Variants in TRPC7 observed in about 807,000 individuals in gnomAD.
The protein encoded by TRPC7 is short transient receptor potential channel 7.
A neutral mutation model predicts 90.1 loss-of-function variants in TRPC7; 42 were observed. The observed-to-expected ratio is 0.47, with a 90% CI of 0.36 to 0.60. TRPC7 has a LOEUF of 0.60. TRPC7 is among the 20% of genes least tolerant of loss of function. The probability of loss-of-function intolerance (pLI) is 0.00; values close to 1 mark genes in which losing one functional copy is unlikely to be tolerated. For missense variants in TRPC7, 955 were observed against 1,112.3 expected (o/e 0.86, Z 2.01); for synonymous variants, 451 against 436.3 (o/e 1.03, Z -0.42).
At chr5:136,267,106 G>T (rs1757058868) in intron 4 of TRPC7, among the ~76,000 whole-genome samples, 1 of 152,058 alleles carries the variant, frequency 6.6e-6, no homozygotes, top group East Asian at 1.9e-4. Flanking sequence ...CTCTATGATG[G>T]TATTCTAAAA....
intron 11 of TRPC7, 74 bp from the exon 12 acceptor site, chr5:136,213,678 A>T (rs1295766152): frequency 3.3e-6 from 5 of 1,514,696 alleles, no homozygotes; most frequent in Non-Finnish European, 4.5e-6. Flanking sequence ...ACATGTGGGC[A>T]TGTGCATCCT....
rs544022508 is a variant in TRPC7 at position 136,259,439 on chromosome 5, C to A, written c.1345+6781G>T. On this transcript the variant is annotated intron_variant, in intron 5 of 11. Coordinates refer to ENST00000513104, the MANE Select transcript of TRPC7 (RefSeq NM_020389.3). ...GCCACCAAAGAGAAAGGGACACACT[C>A]CCAAGCTCTTCTCCTATTTAGCATT... Among the ~76,000 whole-genome samples, 7 of 152,318 alleles carry A rather than the reference C, an allele frequency of 4.6e-5. No homozygotes were observed. The East Asian group carries it at 1.4e-3, about 29-fold the overall frequency.
chr5:136,352,071 T>C (rs1469067), intron 2 of TRPC7, among the ~76,000 whole-genome samples: 51,461 of 152,080 alleles, frequency 0.34, 9,215 homozygotes, highest in Admixed American at 0.45. Context: ...TGTAGCTTTG[T>C]TATTCTTTAG....
At chr5:136,236,354 C>T (rs1484701438) in intron 7 of TRPC7, among the ~76,000 whole-genome samples, 1 of 152,196 alleles carries the variant, frequency 6.6e-6, no homozygotes, top group Non-Finnish European at 1.5e-5. Flanking sequence ...TGCTTGTTTT[C>T]TGAACAAGAC....
chr5:136,323,128 A>C (rs1439607784), intron 2 of TRPC7, among the ~76,000 whole-genome samples: 1 of 152,196 alleles, frequency 6.6e-6, no homozygotes, highest in African/African-American at 2.4e-5. Context: ...GTAGTGGATA[A>C]GTCTTACAAG....
chr5:136,284,237 AC>A (rs1422214010), intron 3 of TRPC7, among the ~76,000 whole-genome samples: 1 of 152,216 alleles, frequency 6.6e-6, no homozygotes, highest in Non-Finnish European at 1.5e-5. Context: ...TACCCTGGGC[AC>A]TTGTGTTTGT....
intron 5 of TRPC7, among the ~76,000 whole-genome samples, chr5:136,254,017 A>G (rs1002351794): frequency 2.0e-5 from 3 of 152,220 alleles, no homozygotes; most frequent in Non-Finnish European, 4.4e-5. Context: ...CCCAAACCAG[A>G]GGAAGACCCT....
At chr5:136,273,768 G>A (rs1347036776) in intron 4 of TRPC7, among the ~76,000 whole-genome samples, 1 of 152,170 alleles carries the variant, frequency 6.6e-6, no homozygotes, top group Non-Finnish European at 1.5e-5. Context: ...CTTTTTAAAT[G>A]TATCACTAGG....
At chr5:136,269,641 A>G (rs973817202) in intron 4 of TRPC7, among the ~76,000 whole-genome samples, 2 of 152,236 alleles carry the variant, frequency 1.3e-5, no homozygotes, top group Admixed American at 1.3e-4. Flanking sequence ...CCTGGTTTAC[A>G]AGTTAGAAAC....
At chr5:136,321,329 G>A (rs931216826) in intron 2 of TRPC7, among the ~76,000 whole-genome samples, 1 of 152,188 alleles carries the variant, frequency 6.6e-6, no homozygotes, top group Non-Finnish European at 1.5e-5. Flanking sequence ...CTATAGTATA[G>A]TCAGTAAGTG....
At chr5:136,313,431 T>C (rs1046948680) in intron 3 of TRPC7, among the ~76,000 whole-genome samples, 1 of 151,056 alleles carries the variant, frequency 6.6e-6, no homozygotes, top group Non-Finnish European at 1.5e-5. Context: ...GTCTATCAAG[T>C]TGTAAAGGGC....
chr5:136,279,651 T>G (rs940245899), intron 3 of TRPC7, among the ~76,000 whole-genome samples: 29 of 152,274 alleles, frequency 1.9e-4, no homozygotes, highest in African/African-American at 7.0e-4. Flanking sequence ...CCACCCTCCA[T>G]ACCTGGCAGC....
intron 5 of TRPC7, among the ~76,000 whole-genome samples, chr5:136,265,909 T>A (rs1215610704): frequency 6.6e-6 from 1 of 152,192 alleles, no homozygotes; most frequent in Non-Finnish European, 1.5e-5. Flanking sequence ...TAGACTATAT[T>A]TAAATGATCA....
intron 7 of TRPC7, among the ~76,000 whole-genome samples, chr5:136,232,438 G>A (rs1428350716): frequency 6.6e-6 from 1 of 152,186 alleles, no homozygotes; most frequent in African/African-American, 2.4e-5. Flanking sequence ...CTAGCCACAT[G>A]TATTAAGCTT....
At chr5:136,215,561 G>A (rs1303482020) in intron 11 of TRPC7, among the ~76,000 whole-genome samples, 5 of 152,186 alleles carry the variant, frequency 3.3e-5, no homozygotes, top group African/African-American at 9.7e-5. Flanking sequence ...AGTGGCTCAT[G>A]CCTGTAATCC....
rs1756531036 is a variant in TRPC7, at chr5:136,251,850, C to G, written c.1378G>C (p.Glu460Gln). Residue 460 changes from glutamate (E) to glutamine (Q), a missense_variant, in exon 6 of 12, where the codon GAG becomes CAG. Around this residue, in one of 4 missense-constraint regions of TRPC7, gnomAD observed 484 missense variants for 509.6 expected, o/e 0.95. Transcript: ENST00000513104. ...AGCACGTACTCCCGTGGCCCCTCCT[C>G]CCAGATTTCCTTGCATTCGGACCAA... is the stretch of plus-strand genomic sequence containing the variant. Reference protein sequence around the residue: ...MIWSECKEIWEEGPREYVLHL... With the variant: ...MIWSECKEIWQEGPREYVLHL... 1 of 1,613,844 alleles carries G rather than the reference C, an allele frequency of 6.2e-7. No homozygotes were observed. Among genetic ancestry groups the G allele is most frequent in the African/African-American group, 1.3e-5 (1 of 74,924 alleles).
chr5:136,330,731 G>A (rs542463530), intron 2 of TRPC7, among the ~76,000 whole-genome samples: 10 of 152,218 alleles, frequency 6.6e-5, no homozygotes, highest in African/African-American at 2.2e-4. Context: ...TCCACCCCAC[G>A]CTAAGTCACC....
At chr5:136,250,809 T>C (rs1036385036) in intron 6 of TRPC7, among the ~76,000 whole-genome samples, 6 of 152,186 alleles carry the variant, frequency 3.9e-5, no homozygotes, top group African/African-American at 7.2e-5. Context: ...ACTACCGAAC[T>C]AGGATTTGAA....
intron 5 of TRPC7, among the ~76,000 whole-genome samples, chr5:136,255,166 A>G (rs1756649076): frequency 1.3e-5 from 2 of 152,224 alleles, no homozygotes; most frequent in African/African-American, 4.8e-5. Flanking sequence ...TATTCTGTAA[A>G]CTTAGTTGAC....
Sources: allele counts gnomAD v4.1 joint callset (sites outside exome capture counted in the v4.1 genomes callset), GRCh38; gene constraint gnomAD v4.1.1; regional missense constraint gnomAD v4.1.1; transcripts MANE v1.5; gene names NCBI Gene and HGNC (gene_info 2026-07-23, HGNC 2026-07-21).